Variants in AUTS2 observed in about 807,000 individuals in gnomAD.
The protein encoded by AUTS2 is autism susceptibility gene 2 protein.
Under a neutral mutation model 112.4 loss-of-function variants are expected in AUTS2, and 17 were observed. The observed-to-expected ratio is 0.15, with a 90% CI of 0.10 to 0.23. AUTS2 has a LOEUF of 0.23. Among genes scored for constraint, AUTS2 ranks in the 10% least tolerant of loss-of-function variants. The probability of loss-of-function intolerance (pLI) is 1.00; values close to 1 mark genes in which losing one functional copy is unlikely to be tolerated. For synonymous variants in AUTS2, 751 were observed against 702.7 expected (o/e 1.07, Z -1.09); for missense variants, 1,510 against 1,701.6 (o/e 0.89, Z 1.98).
chr7:70,403,393 C>A (rs1415380897), intron 4 of AUTS2, among the ~76,000 whole-genome samples: 1 of 152,256 alleles, frequency 6.6e-6, no homozygotes, highest in Non-Finnish European at 1.5e-5. Flanking sequence ...CTGACTGCCA[C>A]TCTCAGTACA....
At chr7:69,801,776 A>T (rs1584266184) in intron 1 of AUTS2, among the ~76,000 whole-genome samples, 1 of 152,274 alleles carries the variant, frequency 6.6e-6, no homozygotes, top group South Asian at 2.1e-4. Context: ...AATCTCTCTG[A>T]CTCAATGGAA....
At chr7:70,642,133 A>G (rs1370520225) in intron 5 of AUTS2, among the ~76,000 whole-genome samples, 1 of 152,160 alleles carries the variant, frequency 6.6e-6, no homozygotes, top group Non-Finnish European at 1.5e-5. Context: ...TGCCATCTTG[A>G]TAGTATAAAG....
chr7:69,927,342 G>A (rs984731566), intron 2 of AUTS2, among the ~76,000 whole-genome samples: 1 of 151,472 alleles, frequency 6.6e-6, no homozygotes, highest in Non-Finnish European at 1.5e-5. Context: ...TACTGTCGAT[G>A]ACATGAGTTT....
chr7:70,524,891 A>G (rs1799779314), intron 5 of AUTS2, among the ~76,000 whole-genome samples: 1 of 152,214 alleles, frequency 6.6e-6, no homozygotes, highest in East Asian at 1.9e-4. Context: ...GAGATCTTAA[A>G]TAGAGAGAGT....
chr7:70,548,437 C>A (rs1800878827), intron 5 of AUTS2, among the ~76,000 whole-genome samples: 1 of 151,782 alleles, frequency 6.6e-6, no homozygotes, highest in Non-Finnish European at 1.5e-5. Context: ...TCCAGTTTAT[C>A]AGTTTTTTTT....
rs1032139639 is a variant in AUTS2, at chr7:69,687,825, T to C, written c.309+87863T>C. On this transcript the variant is annotated intron_variant, in intron 1 of 18. Coordinates refer to ENST00000342771, the MANE Select transcript of AUTS2 (RefSeq NM_015570.4). ...GTTAAGATCAACAGCTATGTGTGAA[T>C]AATTTTTTTCCTTCTCCTTTGCTTT... is the stretch of plus-strand genomic sequence containing the variant. Among the ~76,000 whole-genome samples the C allele has an allele frequency of 3.9e-5, 6 of 152,230 alleles. No homozygotes were observed. The East Asian group carries it at 9.6e-4, about 24-fold the overall frequency.
chr7:69,734,524 C>A (rs1445315256), intron 1 of AUTS2, among the ~76,000 whole-genome samples: 3 of 151,542 alleles, frequency 2.0e-5, no homozygotes, highest in Non-Finnish European at 4.4e-5. Flanking sequence ...TAGTATGAAA[C>A]CTATTGGATT....
In AUTS2 at chr7:69,778,465, A is replaced by G. The variant is rs147609468; in HGVS notation, c.310-120821A>G. 1.1e-4 allele frequency among the ~76,000 whole-genome samples: 16 copies of G among 151,916 alleles called. No homozygotes were observed. In the East Asian group the frequency reaches 3.1e-3, roughly 29 times the overall value. On this transcript the variant is annotated intron_variant, in intron 1 of 18. Transcript: ENST00000342771. ...ACTTAAATCAGAATCTCAGTGGGGTAGGACCTAAGCATTTTTTTAAAGCTC... is the reference window on the plus strand; with the variant it reads ...ACTTAAATCAGAATCTCAGTGGGGTGGGACCTAAGCATTTTTTTAAAGCTC...
chr7:70,545,562 G>T (rs1181255075), intron 5 of AUTS2, among the ~76,000 whole-genome samples: 1 of 152,198 alleles, frequency 6.6e-6, no homozygotes, highest in Non-Finnish European at 1.5e-5. Flanking sequence ...TGGATGAGCA[G>T]ATTATTCCTA....
At chr7:69,986,615 A>C (rs2129550900) in intron 2 of AUTS2, among the ~76,000 whole-genome samples, 1 of 152,352 alleles carries the variant, frequency 6.6e-6, no homozygotes, top group African/African-American at 2.4e-5. Context: ...CTCCTTGAAT[A>C]AGACAGTGCT....
intron 4 of AUTS2, among the ~76,000 whole-genome samples, chr7:70,390,322 A>G (rs1793796040): frequency 6.6e-6 from 1 of 152,146 alleles, no homozygotes; most frequent in Admixed American, 6.5e-5. Flanking sequence ...AGGCCCGGGA[A>G]TGTGTCTTTT....
chr7:70,767,293 G>A (rs1399889640), intron 9 of AUTS2, among the ~76,000 whole-genome samples: 2 of 152,030 alleles, frequency 1.3e-5, no homozygotes, highest in African/African-American at 4.8e-5. Flanking sequence ...TGTTTTTAAA[G>A]TTTGTTTTAT....
At chr7:69,774,251 A>T (rs563689664) in intron 1 of AUTS2, among the ~76,000 whole-genome samples, 1 of 152,272 alleles carries the variant, frequency 6.6e-6, no homozygotes, top group African/African-American at 2.4e-5. Flanking sequence ...TCTTAAAAAA[A>T]ATTTAGCTGG....
intron 11 of AUTS2, among the ~76,000 whole-genome samples, chr7:70,773,634 T>G (rs766956213): frequency 8.5e-5 from 13 of 152,216 alleles, no homozygotes; most frequent in Non-Finnish European, 8.8e-5. Flanking sequence ...ATACTGCCAA[T>G]TATAATAATG....
At chr7:70,048,086 G>C (rs1801585876) in intron 2 of AUTS2, among the ~76,000 whole-genome samples, 1 of 152,162 alleles carries the variant, frequency 6.6e-6, no homozygotes, top group South Asian at 2.1e-4. Context: ...AAAATAATAA[G>C]CCTCTCCACT....
intron 5 of AUTS2, among the ~76,000 whole-genome samples, chr7:70,660,095 T>A (rs942900402): frequency 7.9e-5 from 12 of 151,572 alleles, no homozygotes; most frequent in African/African-American, 2.7e-4. Flanking sequence ...GAGAATCACT[T>A]GAAACCAGGA....
intron 2 of AUTS2, among the ~76,000 whole-genome samples, chr7:69,969,390 G>A (rs558821441): frequency 1.3e-5 from 2 of 152,306 alleles, no homozygotes; most frequent in South Asian, 2.1e-4. Context: ...GTAAAGCTAA[G>A]TAATGTAAGG....
At chr7:70,225,920 A>G (rs1811741350) in intron 4 of AUTS2, among the ~76,000 whole-genome samples, 1 of 152,166 alleles carries the variant, frequency 6.6e-6, no homozygotes, top group Non-Finnish European at 1.5e-5. Context: ...TCAAAATCTT[A>G]CAGTTGGTAA....
At chr7:70,241,190 G>T (rs900129866) in intron 4 of AUTS2, among the ~76,000 whole-genome samples, 4 of 152,066 alleles carry the variant, frequency 2.6e-5, no homozygotes, top group African/African-American at 7.2e-5. Context: ...TATCAACATT[G>T]GTTCCCTGTG....
Sources: allele counts gnomAD v4.1 joint callset (sites outside exome capture counted in the v4.1 genomes callset), GRCh38; gene constraint gnomAD v4.1.1; transcripts MANE v1.5; gene names NCBI Gene and HGNC (gene_info 2026-07-23, HGNC 2026-07-21).